Variants in PLCH1 observed in about 807,000 individuals in gnomAD.
PLCH1 encodes 1-phosphatidylinositol 4,5-bisphosphate phosphodiesterase eta-1.
Under a neutral mutation model 126.7 loss-of-function variants are expected in PLCH1, and 60 were observed. The ratio of observed to expected loss-of-function variants is 0.47; its 90% CI spans 0.38 to 0.59. PLCH1 has a LOEUF of 0.59. PLCH1 is among the 20% of genes least tolerant of loss of function. The pLI is 0.00. For synonymous variants in PLCH1, 719 were observed against 734.9 expected, an observed-to-expected ratio of 0.98 and a Z score of 0.35; for missense variants, 1,723 against 2,040.0, an observed-to-expected ratio of 0.84 and a Z score of 2.99.
rs113625423 is a variant in PLCH1, at chr3:155,502,521, C to G, written c.1705-1727G>C. 3.9e-4 allele frequency among the ~76,000 whole-genome samples: 60 copies of G among 152,152 alleles called. 1 individual carries two copies. Among genetic ancestry groups the G allele is most frequent in the African/African-American group, 1.4e-3 (57 of 41,430 alleles). On this transcript the variant is annotated intron_variant, in intron 13 of 22. Coordinates refer to ENST00000460012, the MANE Select transcript of PLCH1 (RefSeq NM_014996.4). ...TTGCAATCCAGAAATGAAATATTCT[C>G]TAATTCCACATAGTTAGTAATTTGA...
At chr3:155,582,666 T>C (rs1234341858) in intron 6 of PLCH1, among the ~76,000 whole-genome samples, 1 of 152,172 alleles carries the variant, frequency 6.6e-6, no homozygotes, top group Non-Finnish European at 1.5e-5. Context: ...GCTCTTTATA[T>C]TAAGACGATT....
chr3:155,493,808 T>C (rs1480106559), intron 17 of PLCH1, among the ~76,000 whole-genome samples: 1 of 152,208 alleles, frequency 6.6e-6, no homozygotes, highest in African/African-American at 2.4e-5. Context: ...TTACTTAAGA[T>C]AGTTTCTGAA....
chr3:155,609,372 T>C (rs532890800), intron 2 of PLCH1, among the ~76,000 whole-genome samples: 3 of 152,200 alleles, frequency 2.0e-5, no homozygotes, highest in Admixed American at 6.5e-5. Context: ...AATCGCCCCA[T>C]GGGAAAAAAG....
Position 155,494,204 on chromosome 3 carries a change from G to C in PLCH1, c.2119C>G (p.Arg707Gly), listed in dbSNP as rs1457087426. ...TTGCCATTTGCCTTGAATTTGGCTCGGTTTAACTGCATCATTCGTCCTTCA... is the reference window on the plus strand; with the variant it reads ...TTGCCATTTGCCTTGAATTTGGCTCCGTTTAACTGCATCATTCGTCCTTCA... Reference protein sequence around the residue: ...QSEGRMMQLNRAKFKANGNCG... With the variant: ...QSEGRMMQLNGAKFKANGNCG... Residue 707 changes from arginine (R) to glycine (G), a missense_variant, in exon 17 of 23, where the codon CGA (arginine) becomes GGA (glycine). Coordinates refer to ENST00000460012, the MANE Select transcript of PLCH1 (RefSeq NM_014996.4). 1.9e-6 allele frequency: 3 copies of C among 1,614,128 alleles called. No individual in the cohort carries two copies. The highest frequency in any genetic ancestry group is 2.5e-6 in the Non-Finnish European group (3 of 1,180,004).
At chr3:155,544,489 G>A (rs968876204) in intron 10 of PLCH1, among the ~76,000 whole-genome samples, 8 of 152,086 alleles carry the variant, frequency 5.3e-5, no homozygotes, top group African/African-American at 1.4e-4. Context: ...GAGACAGAAA[G>A]TTAACAAGGA....
chr3:155,500,408 C>G (rs1717720576), intron 14 of PLCH1, among the ~76,000 whole-genome samples: 1 of 152,276 alleles, frequency 6.6e-6, no homozygotes, highest in African/African-American at 2.4e-5. Flanking sequence ...CTTCTTTAGT[C>G]TCTTGTGACG....
At chr3:155,709,118 C>G (rs1746903756) in intron 1 of PLCH1, among the ~76,000 whole-genome samples, 1 of 152,206 alleles carries the variant, frequency 6.6e-6, no homozygotes, top group African/African-American at 2.4e-5. Context: ...GAGCTCATTT[C>G]ATCCTAGCAC....
At chr3:155,733,113 T>G (rs1748896032) in intron 1 of PLCH1, among the ~76,000 whole-genome samples, 1 of 152,024 alleles carries the variant, frequency 6.6e-6, no homozygotes, top group African/African-American at 2.4e-5. Context: ...ATTGGAAGAA[T>G]TAATATTAAA....
In PLCH1 at chr3:155,585,944, T is replaced by C; in HGVS notation, c.600+121A>G. On this transcript the variant is annotated intron_variant, in intron 5 of 22. Transcript: ENST00000460012. ...AAATCATTTCTTCATCAAAGAAAAA[T>C]AAAACAGTACAGAGCACATATATTA... 4 of 661,480 alleles carry C rather than the reference T, an allele frequency of 6.0e-6. No homozygotes were observed. In the East Asian group the frequency reaches 1.1e-4, roughly 18 times the overall value. 41.0% of individuals were successfully genotyped at this position (661,480 alleles called of 1,614,324 possible). A position where few individuals can be genotyped will look rare whatever the true frequency, so the allele number is the denominator to read the frequency against.
intron 2 of PLCH1, among the ~76,000 whole-genome samples, chr3:155,696,487 C>G (rs761192069): frequency 3.3e-5 from 5 of 152,108 alleles, no homozygotes; most frequent in Non-Finnish European, 7.4e-5. Flanking sequence ...ATTTTTCATC[C>G]TCCCATCAAT....
intron 17 of PLCH1, among the ~76,000 whole-genome samples, chr3:155,493,797 A>G (rs562382570): frequency 3.3e-5 from 5 of 152,198 alleles, no homozygotes; most frequent in Non-Finnish European, 4.4e-5. Flanking sequence ...ACAGACTCAC[A>G]TTACTTAAGA....
chr3:155,670,907 T>A (rs904211995), intron 2 of PLCH1, among the ~76,000 whole-genome samples: 3 of 152,098 alleles, frequency 2.0e-5, no homozygotes, highest in Non-Finnish European at 4.4e-5. Flanking sequence ...TCAGGAAGTA[T>A]ATATTTGCAG....
rs561945708 is a variant in PLCH1 at position 155,666,783 on chromosome 3, C to T, written c.79+37363G>A. Among the ~76,000 whole-genome samples, 5 of 151,966 alleles carry T rather than the reference C, an allele frequency of 3.3e-5. No homozygotes were observed. In the South Asian group the frequency reaches 1.0e-3, roughly 32 times the overall value. On this transcript the variant is annotated intron_variant, in intron 2 of 22. Transcript: ENST00000460012. ...ACTTATCTTTGGTTTTGGTTATATA[C>T]TAGCTAGGGCAAAGGGTAAATATAC...
At chr3:155,651,891 A>G (rs1212611165) in intron 2 of PLCH1, among the ~76,000 whole-genome samples, 1 of 152,204 alleles carries the variant, frequency 6.6e-6, no homozygotes, top group Non-Finnish European at 1.5e-5. Flanking sequence ...CTAAAAGAAA[A>G]CCTAAATATC....
At chr3:155,559,423 G>A (rs537299720) in intron 8 of PLCH1, among the ~76,000 whole-genome samples, 65 of 152,044 alleles carry the variant, frequency 4.3e-4, no homozygotes, top group African/African-American at 1.4e-3. Context: ...TTTCCAATAA[G>A]AAATAGGTCA....
At chr3:155,548,595 G>T (rs892874308) in intron 10 of PLCH1, among the ~76,000 whole-genome samples, 1 of 152,188 alleles carries the variant, frequency 6.6e-6, no homozygotes, top group African/African-American at 2.4e-5. Flanking sequence ...CATCCTGACT[G>T]CTGACTAAAG....
rs117112963 is a variant in PLCH1 at position 155,640,202 on chromosome 3, G to A, written c.80-43824C>T. On this transcript the variant is annotated intron_variant, in intron 2 of 22. Coordinates refer to ENST00000460012, the MANE Select transcript of PLCH1 (RefSeq NM_014996.4). Reference sequence around the variant, plus strand: ...CATGCCAAAGCAGAGACAGTCCACAGAGAAAGAGAATGAGGCAGATGGCAG... The same window carrying A: ...CATGCCAAAGCAGAGACAGTCCACAAAGAAAGAGAATGAGGCAGATGGCAG... Among the ~76,000 whole-genome samples the A allele has an allele frequency of 3.6e-4, 55 of 152,354 alleles. No homozygotes were observed. The East Asian group carries it at 0.01, about 28-fold the overall frequency.
At chr3:155,516,177 A>C (rs571606770) in intron 11 of PLCH1, among the ~76,000 whole-genome samples, 1 of 152,316 alleles carries the variant, frequency 6.6e-6, no homozygotes, top group South Asian at 2.1e-4. Flanking sequence ...TCAGAAGGGA[A>C]CACCCTCCTG....
rs766198088 is a variant in PLCH1 at position 155,514,762 on chromosome 3, C to T, written c.1593G>A (p.Leu531=). ...CATTTAAGCCTTCATGCGTGGCCTTCAGTAGTGCCCGCACTGTGAAACTAT... is the reference window on the plus strand; with the variant it reads ...CATTTAAGCCTTCATGCGTGGCCTTTAGTAGTGCCCGCACTGTGAAACTAT... ...DPDSFTVRAL[L]KATHEGLNAH... is the part of the protein sequence containing the mutation. Residue 531 remains leucine, a synonymous_variant, in exon 12 of 23, where the codon CTG becomes CTA. Transcript: ENST00000460012. 1.9e-4 allele frequency: 304 copies of T among 1,609,312 alleles called. 1 individual carries two copies. Among genetic ancestry groups the T allele is most frequent in the Non-Finnish European group, 2.4e-4 (288 of 1,177,068 alleles).
Sources: gnomAD v4.1 joint callset for allele counts (sites outside exome capture counted in the v4.1 genomes callset) on GRCh38, gnomAD v4.1.1 for gene constraint, MANE v1.5 for transcripts, NCBI Gene and HGNC (gene_info 2026-07-23, HGNC 2026-07-21) for gene names.